SGK1: variants seen among roughly 807,000 people sequenced by gnomAD.
The protein encoded by SGK1 is serum/glucocorticoid regulated kinase 1.
SGK1 carries 26 observed loss-of-function variants against 64.2 expected under a neutral mutation model. That is an observed-to-expected ratio of 0.40 (90% CI 0.30 to 0.56). The LOEUF is 0.56. Among genes scored for constraint, SGK1 ranks in the 20% least tolerant of loss-of-function variants. SGK1 has a pLI of 0.38. For missense variants in SGK1, 519 were observed against 645.6 expected, an observed-to-expected ratio of 0.80 and a Z score of 2.12; for synonymous variants, 265 against 239.7, an observed-to-expected ratio of 1.11 and a Z score of -0.98.
intron 3 of SGK1, among the ~76,000 whole-genome samples, chr6:134,206,383 A>ATATATATATTTTT (rs1562250478): frequency 1.8e-4 from 3 of 16,594 alleles, no homozygotes; most frequent in Admixed American, 1.0e-3. Context: ...ATATATATAT[A>ATATATATATTTTT]TTTTTTTTTT....
chr6:134,207,549 T>C, intron 2 of SGK1, 118 bp from the exon 3 acceptor site: 1 of 713,386 alleles, frequency 1.4e-6, no homozygotes, highest in Non-Finnish European at 2.5e-6. Context: ...ATGGCATGTC[T>C]GTGCTCTAAT....
chr6:134,220,299 A>G (rs1582721229), intron 2 of SGK1, among the ~76,000 whole-genome samples: 2 of 152,120 alleles, frequency 1.3e-5, no homozygotes, highest in Admixed American at 6.6e-5. Context: ...GAAGATATTT[A>G]ACAGATGACT....
intron 2 of SGK1, among the ~76,000 whole-genome samples, chr6:134,218,143 C>T (rs1776016766): frequency 6.6e-6 from 1 of 152,146 alleles, no homozygotes; most frequent in African/African-American, 2.4e-5. Flanking sequence ...TCCCCCCTTG[C>T]ATTATGGTTG....
At chr6:134,177,721 A>T (rs1264679137) in intron 3 of SGK1, 1 of 1,613,794 alleles carries the variant, frequency 6.2e-7, no homozygotes, top group Non-Finnish European at 8.5e-7. Flanking sequence ...AAGGATATGC[A>T]GGTTGGGGAT....
intron 3 of SGK1, among the ~76,000 whole-genome samples, chr6:134,179,912 G>T (rs1562242289): frequency 6.6e-6 from 1 of 152,154 alleles, no homozygotes; most frequent in Non-Finnish European, 1.5e-5. Flanking sequence ...AGAGAAGCCA[G>T]TGGGAATACT....
At position 134,228,381 on chromosome 6, in the gene SGK1, G is replaced by C. The variant is rs530834722; in HGVS notation, c.286-20950C>G. Among the ~76,000 whole-genome samples, 4 of 152,230 alleles carry C rather than the reference G, an allele frequency of 2.6e-5. No homozygotes were observed. In the East Asian group the frequency reaches 7.7e-4, roughly 29 times the overall value. On this transcript the variant is annotated intron_variant, in intron 2 of 13. Coordinates refer to ENST00000367858, the MANE Select transcript of SGK1 (RefSeq NM_001143676.3). ...TAGGAAACCTTTCCACAAAGCTATGGTTAATATTAGTTAGAAGTAAATTTT... is the reference window on the plus strand; with the variant it reads ...TAGGAAACCTTTCCACAAAGCTATGCTTAATATTAGTTAGAAGTAAATTTT...
At chr6:134,289,827 G>A (rs1157338341) in intron 1 of SGK1, among the ~76,000 whole-genome samples, 2 of 151,762 alleles carry the variant, frequency 1.3e-5, no homozygotes, top group Non-Finnish European at 2.9e-5. Context: ...GCGACACAGT[G>A]AGACCTCTGT....
rs894079333 is a variant in SGK1, at chr6:134,317,633, C to G, written c.-173G>C. On this transcript the variant is annotated 5_prime_UTR_variant, in exon 1 of 14. Transcript: ENST00000367858. ...CATTCTGCAGCACCAGCTACTGCAG[C>G]AACCTCTCCCCACTTTCAGTTGCCA... 7 of 625,354 alleles carry G rather than the reference C, an allele frequency of 1.1e-5. No individual in the cohort carries two copies. Among genetic ancestry groups the G allele is most frequent in the Non-Finnish European group, 2.0e-5 (7 of 346,790 alleles). The allele number at this position is 625,354 out of a possible 1,614,324, so 38.7% of individuals were successfully genotyped here.
At chr6:134,277,268 G>A (rs551794183) in intron 1 of SGK1, among the ~76,000 whole-genome samples, 3 of 151,118 alleles carry the variant, frequency 2.0e-5, no homozygotes, top group East Asian at 2.0e-4. Context: ...GTTGTGGTGA[G>A]CTGAGATCGT....
intron 2 of SGK1, among the ~76,000 whole-genome samples, chr6:134,214,642 C>T (rs1008867166): frequency 2.2e-5 from 1 of 46,086 alleles, no homozygotes; most frequent in African/African-American, 5.2e-5. Flanking sequence ...ACAGCATGTA[C>T]ATTCTGAAAA....
chr6:134,313,552 G>C (rs1777637150), intron 1 of SGK1, among the ~76,000 whole-genome samples: 1 of 151,314 alleles, frequency 6.6e-6, no homozygotes, highest in Non-Finnish European at 1.5e-5. Flanking sequence ...TTAGCAAAAA[G>C]GAAAGCACAC....
At chr6:134,224,043 A>AT (rs938833133) in intron 2 of SGK1, among the ~76,000 whole-genome samples, 1 of 152,080 alleles carries the variant, frequency 6.6e-6, no homozygotes, top group African/African-American at 2.4e-5. Context: ...CCTTGCCAAT[A>AT]TTTTTTTTAA....
At chr6:134,230,560 A>G (rs1370084714) in intron 2 of SGK1, 2 of 125,064 alleles carry the variant, frequency 1.6e-5, no homozygotes, top group African/African-American at 5.8e-5. Context: ...ACTCACTATC[A>G]TCAAAAGAGC....
At chr6:134,215,300 G>A (rs1775961598) in intron 2 of SGK1, among the ~76,000 whole-genome samples, 1 of 151,674 alleles carries the variant, frequency 6.6e-6, no homozygotes, top group Non-Finnish European at 1.5e-5. Flanking sequence ...ATGTTTAGTA[G>A]AGACAGGGTT....
chr6:134,231,691 G>A (rs1012008935), intron 2 of SGK1, among the ~76,000 whole-genome samples: 34 of 152,144 alleles, frequency 2.2e-4, no homozygotes, highest in African/African-American at 8.2e-4. Flanking sequence ...ATGCAGAAAT[G>A]GTTGAGTAAA....
At chr6:134,295,383 A>G (rs913705674) in intron 1 of SGK1, among the ~76,000 whole-genome samples, 5 of 152,200 alleles carry the variant, frequency 3.3e-5, no homozygotes, top group African/African-American at 1.2e-4. Context: ...AAGCACAGGG[A>G]TATCAAGGTC....
chr6:134,312,018 G>A (rs1777616277), intron 1 of SGK1, among the ~76,000 whole-genome samples: 1 of 152,168 alleles, frequency 6.6e-6, no homozygotes, highest in Non-Finnish European at 1.5e-5. Context: ...TTCACAAGTA[G>A]TTTCCAATTC....
intron 3 of SGK1, among the ~76,000 whole-genome samples, chr6:134,203,488 G>A (rs1050015313): frequency 6.6e-6 from 1 of 151,974 alleles, no homozygotes; most frequent in African/African-American, 2.4e-5. Context: ...AAGTATAAAG[G>A]GGCTAAACAT....
chr6:134,310,802 G>T (rs1343593211), intron 1 of SGK1, among the ~76,000 whole-genome samples: 1 of 152,136 alleles, frequency 6.6e-6, no homozygotes. Context: ...TGGCCAGGCT[G>T]GCCTCAAACT....
Sources: gnomAD v4.1 joint callset for allele counts (sites outside exome capture counted in the v4.1 genomes callset) on GRCh38, gnomAD v4.1.1 for gene constraint, MANE v1.5 for transcripts, NCBI Gene and HGNC (gene_info 2026-07-23, HGNC 2026-07-21) for gene names.